The following OFD1 variants were observed in gnomAD, a reference collection of about 807,000 sequenced individuals.
OFD1 encodes centriole and centriolar satellite protein OFD1.
OFD1 carries 12 observed loss-of-function variants against 81.4 expected under a neutral mutation model. That is an observed-to-expected ratio of 0.15 (90% CI 0.09 to 0.24). The LOEUF is 0.24. Ranked by LOEUF, OFD1 falls within the 10% of genes least tolerant of loss-of-function variation. The pLI is 1.00. For missense variants in OFD1, 685 were observed against 733.9 expected (o/e 0.93, Z 0.77); for synonymous variants, 256 against 263.7 (o/e 0.97, Z 0.28).
At chrX:13,716,241 C>A in the OFD1 span, 1 of 671,449 alleles carries the variant, frequency 1.5e-6, no homozygotes, top group Non-Finnish European at 2.2e-6. Flanking sequence ...TTAGTTTTAT[C>A]ATAAAGAGAA....
intron 5 of OFD1, among the ~76,000 whole-genome samples, chrX:13,739,468 G>A (rs773686953): frequency 4.9e-4 from 55 of 111,887 alleles, no homozygotes; most frequent in Non-Finnish European, 7.5e-4. Context: ...TATACAGGCC[G>A]GGCGTGGTGG....
chrX:13,734,556 T>C, upstream of OFD1: 1 of 407,481 alleles, frequency 2.5e-6, no homozygotes. Context: ...GGAAACGCAA[T>C]GTCAGTTTCC....
downstream of OFD1, chrX:13,772,127 G>A (rs1458836367): frequency 8.9e-6 from 1 of 112,361 alleles, no homozygotes; most frequent in Non-Finnish European, 1.9e-5. Context: ...TTAAGGCAAA[G>A]CTGACATTTC....
chrX:13,750,498 A>G (rs1035024690), intron 9 of OFD1, among the ~76,000 whole-genome samples: 9 of 112,135 alleles, frequency 8.0e-5, no homozygotes, highest in Non-Finnish European at 1.1e-4. Flanking sequence ...CTCCCTGGCT[A>G]AGGAGTTGGT....
chrX:13,772,306 G>A (rs1472824775), downstream of OFD1: 1 of 111,900 alleles, frequency 8.9e-6, no homozygotes, highest in African/African-American at 3.3e-5. Context: ...ATTGGCTCAG[G>A]AAATTAATGG....
At chrX:13,762,852 C>T (rs2047988672) in intron 18 of OFD1, among the ~76,000 whole-genome samples, 1 of 111,713 alleles carries the variant, frequency 9.0e-6, no homozygotes, top group South Asian at 3.7e-4. Flanking sequence ...CTCCCTCCTC[C>T]TCCCAGGTCC....
chrX:13,752,992 G>T, intron 10 of OFD1: 1 of 897,794 alleles, frequency 1.1e-6, no homozygotes, highest in South Asian at 2.6e-5. Context: ...AGGTGGATTG[G>T]AAGTGACCGT....
At chrX:13,715,869 A>C in the OFD1 span, 1 of 1,021,799 alleles carries the variant, frequency 9.8e-7, no homozygotes, top group African/African-American at 1.9e-5. Flanking sequence ...GGGAGTTGCC[A>C]GAGATAGTTC....
intron 19 of OFD1, among the ~76,000 whole-genome samples, chrX:13,765,647 C>T (rs111653835): frequency 1.7e-3 from 189 of 110,544 alleles, no homozygotes; most frequent in African/African-American, 6.0e-3. Context: ...ATGAATTTTT[C>T]TACTTATTAG....
rs141075729 is a variant in OFD1 at position 13,752,031 on chromosome X, A to G, written c.1055+663A>G. On this transcript the variant is annotated intron_variant, in intron 10 of 22. Coordinates refer to ENST00000340096, the MANE Select transcript of OFD1 (RefSeq NM_003611.3). ...ATCTTTTCCTCTACCTCACTCATAC[A>G]GTCAGAAGGATGGGGTTATCTGACA... Among the ~76,000 whole-genome samples, 41 of 112,119 alleles carry G rather than the reference A, an allele frequency of 3.7e-4. No homozygotes were observed. The East Asian group carries it at 0.01, about 28-fold the overall frequency.
chrX:13,746,236 C>G, intron 6 of OFD1, 83 bp from the exon 7 acceptor site: 1 of 908,492 alleles, frequency 1.1e-6, no homozygotes, highest in East Asian at 3.1e-5. Context: ...TAAGTATCCT[C>G]TTTACTTTTG....
intron 5 of OFD1, 112 bp from the exon 6 acceptor site, chrX:13,744,298 AAAAAG>A: frequency 2.1e-6 from 1 of 487,487 alleles, no homozygotes; most frequent in Non-Finnish European, 3.6e-6. Context: ...TGTCTCTAAA[AAAAAG>A]GAAAGATATA....
At chrX:13,721,833 A>G in the OFD1 span, 2 of 110,192 alleles carry the variant, frequency 1.8e-5, no homozygotes, top group African/African-American at 6.6e-5. Flanking sequence ...CTTGCCCATC[A>G]TTTTGCGACC....
intron 5 of OFD1, chrX:13,740,238 C>CGCT: frequency 1.2e-6 from 1 of 820,473 alleles, no homozygotes; most frequent in Non-Finnish European, 1.6e-6. Flanking sequence ...ATTCTGTACT[C>CGCT]TAAGTGTCGT....
intron 5 of OFD1, among the ~76,000 whole-genome samples, chrX:13,739,549 C>A (rs1354781583): frequency 9.0e-6 from 1 of 111,369 alleles, no homozygotes; most frequent in African/African-American, 3.3e-5. Flanking sequence ...AGTTCGAGAT[C>A]AGCCTGACCA....
At position 13,757,771 on chromosome X, in the gene OFD1, A is replaced by G. The variant is rs761308174; in HGVS notation, c.1523A>G (p.His508Arg). 1.7e-6 allele frequency: 2 copies of G among 1,211,679 alleles called. No individual in the cohort carries two copies. Among genetic ancestry groups the G allele is most frequent in the Admixed American group, 2.2e-5 (1 of 46,044 alleles). Residue 508 changes from histidine to arginine, a missense_variant, in exon 14 of 23, where the codon CAC becomes CGC. His to Arg is a conservative substitution (Grantham distance 29). Transcript: ENST00000340096. The stretch of plus-strand genomic sequence containing the variant: ...TTCGAAAGCTGCAGGCAAGCTCTGC[A>G]CAAACAACTGCAAGACGAAGTGAGT... ...EEFESCRQAL[H>R]KQLQDEIEHS...
In OFD1 at chrX:13,743,465, C is replaced by T. The variant is rs367848687; in HGVS notation, c.413-950C>T. On this transcript the variant is annotated intron_variant, in intron 5 of 22. Coordinates refer to ENST00000340096, the MANE Select transcript of OFD1 (RefSeq NM_003611.3). ...CCCTTTGTGCCCTTGTGAAAGTATA[C>T]CTGTGTAAATTCATAGAAGTGGAAT... is the stretch of plus-strand genomic sequence containing the variant. Among the ~76,000 whole-genome samples, 286 of 112,046 alleles carry T rather than the reference C, an allele frequency of 2.6e-3. 2 individuals carry two copies. Among genetic ancestry groups the T allele is most frequent in the Middle Eastern group, 0.018 (4 of 218 alleles).
the OFD1 span, chrX:13,715,875 A>C: frequency 9.7e-7 from 1 of 1,030,184 alleles, no homozygotes; most frequent in Non-Finnish European, 1.3e-6. Flanking sequence ...TGCCAGAGAT[A>C]GTTCTGATGG....
intron 5 of OFD1, chrX:13,740,084 G>T: frequency 1.1e-6 from 1 of 949,627 alleles, no homozygotes; most frequent in Non-Finnish European, 1.3e-6. Context: ...CTTATTTTCT[G>T]CCAGCCATTA....
Sources: allele counts gnomAD v4.1 joint callset (sites outside exome capture counted in the v4.1 genomes callset), GRCh38; gene constraint gnomAD v4.1.1; transcripts MANE v1.5; gene names NCBI Gene and HGNC (gene_info 2026-07-23, HGNC 2026-07-21).